Variants in TTC28 observed in about 807,000 individuals in gnomAD.
TTC28 encodes the protein tetratricopeptide repeat domain 28.
A neutral mutation model predicts 198.0 loss-of-function variants in TTC28; 61 were observed. The observed-to-expected ratio is 0.31, with a 90% CI of 0.25 to 0.38. The LOEUF is 0.38. TTC28 is among the 10% of genes least tolerant of loss of function. TTC28 has a pLI of 1.00. For synonymous variants in TTC28, 1,171 were observed against 1,297.8 expected (o/e 0.90, Z 2.10); for missense variants, 2,678 against 3,164.0 (o/e 0.85, Z 3.69).
At chr22:28,652,870 T>C (rs778562188) in intron 1 of TTC28, among the ~76,000 whole-genome samples, 44 of 152,158 alleles carry the variant, frequency 2.9e-4, no homozygotes, top group Non-Finnish European at 5.6e-4. Context: ...ATCCCTATTG[T>C]ATAAATATGC....
At chr22:28,661,905 C>T (rs1426051503) in intron 1 of TTC28, among the ~76,000 whole-genome samples, 4 of 151,674 alleles carry the variant, frequency 2.6e-5, no homozygotes, top group Non-Finnish European at 5.9e-5. Flanking sequence ...CTGCACCTGG[C>T]CTAAAAAATA....
At chr22:28,304,971 A>ATTATTTAT (rs112686882) in intron 3 of TTC28, among the ~76,000 whole-genome samples, 13,292 of 147,892 alleles carry the variant, frequency 0.09, 728 homozygotes, top group African/African-American at 0.1. Context: ...TTGTTTATTT[A>ATTATTTAT]TTATTTATTT....
chr22:28,651,998 C>A lies in TTC28; in HGVS notation c.103-22168G>T, dbSNP rs529772029. 3.4e-4 allele frequency among the ~76,000 whole-genome samples: 52 copies of A among 152,232 alleles called. No homozygotes were observed. In the South Asian group the frequency reaches 0.011, roughly 31 times the overall value. On this transcript the variant is annotated intron_variant, in intron 1 of 22. Coordinates refer to ENST00000397906, the MANE Select transcript of TTC28 (RefSeq NM_001145418.2). ...GGGATTACAGGTGCTCTCCACCACA[C>A]CTGGCTAATTTTTGTATTTTTAGTA...
chr22:28,508,159 C>T (rs1018649314), intron 2 of TTC28, among the ~76,000 whole-genome samples: 1 of 151,830 alleles, frequency 6.6e-6, no homozygotes, highest in African/African-American at 2.4e-5. Context: ...CTTCACATCT[C>T]ACATGCAAAG....
At chr22:28,047,617 T>C (rs905082852) in intron 12 of TTC28, among the ~76,000 whole-genome samples, 3 of 152,182 alleles carry the variant, frequency 2.0e-5, no homozygotes, top group Non-Finnish European at 4.4e-5. Flanking sequence ...CAAGCAAGAA[T>C]GATCCCGTCT....
chr22:28,309,146 C>T (rs967686414), intron 2 of TTC28, among the ~76,000 whole-genome samples: 15 of 152,002 alleles, frequency 9.9e-5, no homozygotes, highest in African/African-American at 3.1e-4. Flanking sequence ...AAGCACCCAA[C>T]GAAATTAGCT....
At chr22:28,255,441 G>A (rs1930830228) in intron 5 of TTC28, among the ~76,000 whole-genome samples, 1 of 152,036 alleles carries the variant, frequency 6.6e-6, no homozygotes, top group Non-Finnish European at 1.5e-5. Flanking sequence ...CCAGCACTTC[G>A]GGAGGCGAGG....
intron 2 of TTC28, among the ~76,000 whole-genome samples, chr22:28,529,230 T>G (rs2049076250): frequency 9.5e-6 from 1 of 105,332 alleles, no homozygotes; most frequent in Admixed American, 1.1e-4. Flanking sequence ...GCTTTTCCAA[T>G]GGTCTTAGCA....
At chr22:28,641,039 G>T (rs1036923679) in intron 1 of TTC28, among the ~76,000 whole-genome samples, 2 of 152,074 alleles carry the variant, frequency 1.3e-5, no homozygotes, top group African/African-American at 4.8e-5. Context: ...AAAAAGTAAT[G>T]AATAGGCCAG....
At chr22:28,421,178 T>C (rs1296508001) in intron 2 of TTC28, among the ~76,000 whole-genome samples, 1 of 152,212 alleles carries the variant, frequency 6.6e-6, no homozygotes, top group Non-Finnish European at 1.5e-5. Flanking sequence ...CCTTTTATCA[T>C]GGTTCAGCTA....
chr22:27,985,427 G>A (rs1937177007), intron 21 of TTC28, 71 bp from the exon 22 acceptor site: 3 of 1,260,148 alleles, frequency 2.4e-6, no homozygotes, highest in Non-Finnish European at 3.4e-6. Context: ...GAGCGCTATA[G>A]GGCTCCTTGT....
rs113588586 is a variant in TTC28, at chr22:28,166,686, A to C, written c.934-3087T>G. Among the ~76,000 whole-genome samples, 239 of 152,356 alleles carry C rather than the reference A, an allele frequency of 1.6e-3. 2 individuals carry two copies. Among genetic ancestry groups the C allele is most frequent in the African/African-American group, 5.5e-3 (227 of 41,586 alleles). ...ACATTTAAAGCAGTGTGAAGAGGGA[A>C]ATTTATAGCACTAAATGCCCACAAG... On this transcript the variant is annotated intron_variant, in intron 5 of 22. Coordinates refer to ENST00000397906, the MANE Select transcript of TTC28 (RefSeq NM_001145418.2).
intron 12 of TTC28, among the ~76,000 whole-genome samples, chr22:28,086,316 T>A (rs991188344): frequency 6.6e-6 from 1 of 152,148 alleles, no homozygotes; most frequent in Non-Finnish European, 1.5e-5. Flanking sequence ...AAACTGTCTC[T>A]CAGACCACAG....
At chr22:28,285,220 G>A (rs1319141368) in intron 5 of TTC28, among the ~76,000 whole-genome samples, 1 of 152,136 alleles carries the variant, frequency 6.6e-6, no homozygotes, top group Non-Finnish European at 1.5e-5. Flanking sequence ...GCCATAAAAG[G>A]AAATCCTGCC....
chr22:28,383,144 T>A (rs546160916), intron 2 of TTC28, among the ~76,000 whole-genome samples: 1 of 152,230 alleles, frequency 6.6e-6, no homozygotes, highest in Non-Finnish European at 1.5e-5. Context: ...AACAATTCTA[T>A]TCATTTGTTC....
chr22:28,114,879 T>A (rs1324194111), intron 6 of TTC28, among the ~76,000 whole-genome samples: 1 of 152,180 alleles, frequency 6.6e-6, no homozygotes, highest in African/African-American at 2.4e-5. Context: ...AGCCAACATG[T>A]CAGGCCAATA....
intron 5 of TTC28, among the ~76,000 whole-genome samples, chr22:28,177,308 C>T (rs181184798): frequency 6.6e-5 from 10 of 152,194 alleles, no homozygotes; most frequent in African/African-American, 2.2e-4. Context: ...AATGAGATAC[C>T]ACTACATACG....
At chr22:28,678,898 T>C (rs2052044289) in intron 1 of TTC28, among the ~76,000 whole-genome samples, 2 of 152,144 alleles carry the variant, frequency 1.3e-5, no homozygotes, top group Admixed American at 1.3e-4. Context: ...CAAAATCGGC[T>C]TCCCTGCTGT....
At chr22:28,547,148 G>C (rs979089029) in intron 2 of TTC28, among the ~76,000 whole-genome samples, 1 of 152,118 alleles carries the variant, frequency 6.6e-6, no homozygotes, top group Admixed American at 6.6e-5. Flanking sequence ...TATAATATTT[G>C]CATGTCAATT....
Sources: allele counts gnomAD v4.1 joint callset (sites outside exome capture counted in the v4.1 genomes callset), GRCh38; gene constraint gnomAD v4.1.1; transcripts MANE v1.5; gene names NCBI Gene and HGNC (gene_info 2026-07-23, HGNC 2026-07-21).